Variants in CCSER1 observed in about 807,000 individuals in gnomAD.
CCSER1 encodes the protein serine-rich coiled-coil domain-containing protein 1.
CCSER1 carries 41 observed loss-of-function variants against 82.0 expected under a neutral mutation model. That is an observed-to-expected ratio of 0.50 (90% CI 0.39 to 0.65). The LOEUF is 0.65. Among genes scored for constraint, CCSER1 ranks in the 30% least tolerant of loss-of-function variants. The pLI is 0.00. For synonymous variants in CCSER1, 414 were observed against 383.9 expected, an observed-to-expected ratio of 1.08 and a Z score of -0.92; for missense variants, 1,119 against 1,064.2, an observed-to-expected ratio of 1.05 and a Z score of -0.72.
At chr4:91,025,992 G>A (rs1740456554) in intron 9 of CCSER1, among the ~76,000 whole-genome samples, 1 of 152,072 alleles carries the variant, frequency 6.6e-6, no homozygotes. Context: ...TTTTGCTGGG[G>A]CAGTTTCAGT....
chr4:91,281,487 T>C (rs1268028121), intron 10 of CCSER1, among the ~76,000 whole-genome samples: 1 of 152,166 alleles, frequency 6.6e-6, no homozygotes, highest in Non-Finnish European at 1.5e-5. Context: ...AGAAACTTAA[T>C]TGATACAGAA....
intron 10 of CCSER1, among the ~76,000 whole-genome samples, chr4:91,548,351 T>C (rs1761991186): frequency 6.6e-6 from 1 of 152,070 alleles, no homozygotes; most frequent in Non-Finnish European, 1.5e-5. Flanking sequence ...TACATGCACA[T>C]AAATTATACC....
At chr4:90,870,331 T>C (rs1173271429) in intron 8 of CCSER1, among the ~76,000 whole-genome samples, 8 of 151,956 alleles carry the variant, frequency 5.3e-5, no homozygotes, top group East Asian at 3.9e-4. Context: ...TGTGGGTCTG[T>C]TATATATAGC....
intron 1 of CCSER1, among the ~76,000 whole-genome samples, chr4:90,138,469 A>T (rs572366645): frequency 6.6e-6 from 1 of 152,196 alleles, no homozygotes; most frequent in South Asian, 2.1e-4. Context: ...TATTTCATAG[A>T]CTGAAAATTT....
intron 7 of CCSER1, among the ~76,000 whole-genome samples, chr4:90,782,654 A>G (rs1753926966): frequency 6.6e-6 from 1 of 151,634 alleles, no homozygotes; most frequent in African/African-American, 2.4e-5. Context: ...GTGAGAAGTC[A>G]AGGACAGGGA....
At chr4:90,391,485 T>TATATATATATAC (rs1438072458) in intron 3 of CCSER1, among the ~76,000 whole-genome samples, 2 of 76,650 alleles carry the variant, frequency 2.6e-5, no homozygotes, top group African/African-American at 7.6e-5. Flanking sequence ...TATATATATA[T>TATATATATATAC]ACACACACAC....
chr4:91,518,597 G>T (rs1262937229), intron 10 of CCSER1, among the ~76,000 whole-genome samples: 1 of 152,156 alleles, frequency 6.6e-6, no homozygotes, highest in Non-Finnish European at 1.5e-5. Flanking sequence ...GAGCTAGTGG[G>T]TCTGTTTGTT....
chr4:90,808,660 A>G (rs537619623), intron 7 of CCSER1, among the ~76,000 whole-genome samples: 1 of 152,342 alleles, frequency 6.6e-6, no homozygotes, highest in South Asian at 2.1e-4. Context: ...ACTAACCAGC[A>G]GGGAAATGTC....
At chr4:90,619,456 A>T (rs1721909354) in intron 5 of CCSER1, among the ~76,000 whole-genome samples, 1 of 152,038 alleles carries the variant, frequency 6.6e-6, no homozygotes, top group African/African-American at 2.4e-5. Flanking sequence ...ATTAAAAAAA[A>T]TTTGTTTGAT....
At chr4:91,055,201 T>C (rs1743338303) in intron 9 of CCSER1, among the ~76,000 whole-genome samples, 1 of 152,198 alleles carries the variant, frequency 6.6e-6, no homozygotes, top group African/African-American at 2.4e-5. Flanking sequence ...TTACACTTAG[T>C]ATTTTAAACT....
intron 1 of CCSER1, among the ~76,000 whole-genome samples, chr4:90,276,056 T>C (rs1046295755): frequency 6.6e-6 from 1 of 152,156 alleles, no homozygotes; most frequent in African/African-American, 2.4e-5. Context: ...GCTATATCTT[T>C]AATAATTCTG....
intron 9 of CCSER1, among the ~76,000 whole-genome samples, chr4:90,978,973 C>A (rs1456224996): frequency 6.6e-6 from 1 of 151,482 alleles, no homozygotes; most frequent in Non-Finnish European, 1.5e-5. Flanking sequence ...TCCCTAAGTA[C>A]AATAAATATT....
intron 9 of CCSER1, among the ~76,000 whole-genome samples, chr4:90,969,726 T>C (rs1734907208): frequency 6.6e-6 from 1 of 151,910 alleles, no homozygotes; most frequent in South Asian, 2.1e-4. Flanking sequence ...AAGAGGAACA[T>C]ATGAAAGCAT....
chr4:91,583,079 A>C (rs1191279606), intron 10 of CCSER1, among the ~76,000 whole-genome samples: 2 of 151,354 alleles, frequency 1.3e-5, no homozygotes, highest in Non-Finnish European at 3.0e-5. Context: ...GGAGCCACTG[A>C]TAAATTTCTC....
chr4:90,725,212 A>G (rs1743422999), intron 7 of CCSER1, among the ~76,000 whole-genome samples: 1 of 151,890 alleles, frequency 6.6e-6, no homozygotes, highest in Non-Finnish European at 1.5e-5. Context: ...CAAGATTTTA[A>G]TTGAATTCTC....
chr4:90,599,970 GT>G (rs1424027697), intron 5 of CCSER1, among the ~76,000 whole-genome samples: 1 of 152,278 alleles, frequency 6.6e-6, no homozygotes, highest in South Asian at 2.1e-4. Context: ...GGAAACATAT[GT>G]AGTTTTTGTT....
chr4:91,448,801 T>A (rs1319391096), intron 10 of CCSER1, among the ~76,000 whole-genome samples: 1 of 152,068 alleles, frequency 6.6e-6, no homozygotes, highest in African/African-American at 2.4e-5. Context: ...GAACTGGTAA[T>A]ACAACAGGGG....
chr4:90,838,353 A>G, intron 8 of CCSER1, among the ~76,000 whole-genome samples: 1 of 151,790 alleles, frequency 6.6e-6, no homozygotes, highest in East Asian at 1.9e-4. Flanking sequence ...AATAATTAAA[A>G]TAAATTGTGT....
At chr4:90,476,401 G>A (rs1578670800) in intron 5 of CCSER1, among the ~76,000 whole-genome samples, 2 of 152,136 alleles carry the variant, frequency 1.3e-5, no homozygotes, top group South Asian at 4.1e-4. Context: ...ATCACTGGTA[G>A]TGGTGGACAG....
Sources: gnomAD v4.1 joint callset for allele counts (sites outside exome capture counted in the v4.1 genomes callset) on GRCh38, gnomAD v4.1.1 for gene constraint, MANE v1.5 for transcripts, NCBI Gene and HGNC (gene_info 2026-07-23, HGNC 2026-07-21) for gene names.